RIMBP2: variants seen among roughly 807,000 people sequenced by gnomAD.
RIMBP2 encodes RIMS binding protein 2.
Under a neutral mutation model 118.6 loss-of-function variants are expected in RIMBP2, and 48 were observed. That is an observed-to-expected ratio of 0.40 (90% CI 0.32 to 0.51). The LOEUF is 0.51. Ranked by LOEUF, RIMBP2 falls within the 20% of genes least tolerant of loss-of-function variation. The pLI is 0.41. For missense variants in RIMBP2, 1,551 were observed against 1,768.3 expected (o/e 0.88, Z 2.20); for synonymous variants, 762 against 742.9 (o/e 1.03, Z -0.42).
chr12:130,571,681 AC>A (rs1429602627), intron 2 of RIMBP2, among the ~76,000 whole-genome samples: 1 of 152,086 alleles, frequency 6.6e-6, no homozygotes, highest in Non-Finnish European at 1.5e-5. Context: ...AGTTGGCACC[AC>A]CTGCATACTC....
chr12:130,641,237 G>A (rs1175007954), intron 1 of RIMBP2, among the ~76,000 whole-genome samples: 2 of 152,160 alleles, frequency 1.3e-5, no homozygotes, highest in African/African-American at 2.4e-5. Context: ...TAAATCGTGA[G>A]CCCTGACCGC....
rs902373452 is a variant in RIMBP2, at chr12:130,511,872, T to C, written c.-126-5102A>G. On this transcript the variant is annotated intron_variant, in intron 3 of 22. Transcript: ENST00000690449. This position sits in a 1 kb window ranked among gnomAD's most constrained non-coding sequence, Gnocchi z 4.3. ...CACGTCTCTGCTGGACAGGAGCCCC[T>C]GGGCCCTGGCTCCTTCTCCAGGCAG... is the stretch of plus-strand genomic sequence containing the variant. 1.3e-5 allele frequency among the ~76,000 whole-genome samples: 2 copies of C among 152,088 alleles called. No individual in the cohort carries two copies. The highest frequency in any genetic ancestry group is 4.8e-5 in the African/African-American group (2 of 41,434).
At position 130,419,979 on chromosome 12, in the gene RIMBP2, C is replaced by T. The variant is rs1402700955; in HGVS notation, c.3238+2474G>A. Among the ~76,000 whole-genome samples the T allele has an allele frequency of 6.6e-6, 1 of 152,162 alleles. No homozygotes were observed. On this transcript the variant is annotated intron_variant, in intron 17 of 22. Coordinates refer to ENST00000690449, the MANE Select transcript of RIMBP2 (RefSeq NM_001393629.1). This position sits in a 1 kb window ranked among gnomAD's most constrained non-coding sequence, Gnocchi z 4.3. ...TATATTATTTTTCATTGTAGGTCCA[C>T]TGCTTATTAAAAATAGGAAGTGTAT... is the stretch of plus-strand genomic sequence containing the variant.
intron 9 of RIMBP2, among the ~76,000 whole-genome samples, chr12:130,449,559 G>A (rs1395509402): frequency 6.6e-6 from 1 of 151,978 alleles, no homozygotes; most frequent in Non-Finnish European, 1.5e-5. Flanking sequence ...TCTCGGTGGT[G>A]GGGATCGGGG....
At chr12:130,574,862 C>T (rs1445479597) in intron 2 of RIMBP2, among the ~76,000 whole-genome samples, 1 of 152,056 alleles carries the variant, frequency 6.6e-6, no homozygotes, top group Non-Finnish European at 1.5e-5. Flanking sequence ...CTTCCTAGAC[C>T]CCTTCATTAG....
Position 130,434,970 on chromosome 12 carries a change from C to CA in RIMBP2, c.2107-91dup. 1 of 1,408,574 alleles carries CA rather than the reference C, an allele frequency of 7.1e-7. No homozygotes were observed. Among genetic ancestry groups the CA allele is most frequent in the South Asian group, 1.4e-5 (1 of 72,696 alleles). 87.3% of individuals were successfully genotyped at this position (1,408,574 alleles called of 1,614,324 possible). A position where few individuals can be genotyped will look rare whatever the true frequency, so the allele number is the denominator to read the frequency against. Reference sequence around the variant, plus strand: ...TGCATTCACCAAACCTTCAGCCCCTCAGAGCCTGGCCAGGCACCCCCCACA... The same window carrying CA: ...TGCATTCACCAAACCTTCAGCCCCTCAAGAGCCTGGCCAGGCACCCCCCACA... On this transcript the variant is annotated intron_variant, in intron 13 of 22. Transcript: ENST00000690449. The surrounding 1 kb of genome is among the most constrained non-coding windows in gnomAD (Gnocchi z 5.7).
chr12:130,610,583 C>T (rs1489588239), intron 2 of RIMBP2, among the ~76,000 whole-genome samples: 3 of 76,056 alleles, frequency 3.9e-5, no homozygotes, highest in Admixed American at 2.2e-4. Context: ...TTTTTTGAGA[C>T]GGAGTCTCGC....
intron 2 of RIMBP2, among the ~76,000 whole-genome samples, chr12:130,616,005 G>C (rs549169028): frequency 6.6e-6 from 1 of 152,234 alleles, no homozygotes; most frequent in East Asian, 1.9e-4. Flanking sequence ...CCTCTGGCAG[G>C]CACCAGTCTC....
Position 130,469,508 on chromosome 12 carries a change from T to C in RIMBP2, c.153+1185A>G, listed in dbSNP as rs527424319. Among the ~76,000 whole-genome samples the C allele has an allele frequency of 5.1e-4, 78 of 152,330 alleles. 1 individual carries two copies. The highest frequency in any genetic ancestry group is 1.8e-3 in the African/African-American group (75 of 41,586). Reference sequence around the variant, plus strand: ...GAAAGTGAATTATTTTCCAGGGAGATAAATGGCCATTTGGAGGTCTGTTTC... The same window carrying C: ...GAAAGTGAATTATTTTCCAGGGAGACAAATGGCCATTTGGAGGTCTGTTTC... On this transcript the variant is annotated intron_variant, in intron 6 of 22. Coordinates refer to ENST00000690449, the MANE Select transcript of RIMBP2 (RefSeq NM_001393629.1). The surrounding 1 kb of genome is among the most constrained non-coding windows in gnomAD (Gnocchi z 4.8).
At position 130,437,267 on chromosome 12, in the gene RIMBP2, C is replaced by T; in HGVS notation, c.1681G>A (p.Ala561Thr). 2 of 1,580,854 alleles carry T rather than the reference C, an allele frequency of 1.3e-6. No individual in the cohort carries two copies. The highest frequency in any genetic ancestry group is 8.5e-7 in the Non-Finnish European group (1 of 1,170,944). ...ACAAGCTCCACGGCCGTGCTGTCTG[C>T]CGTGGGGAAGATGACTTCAGCCACC... is the stretch of plus-strand genomic sequence containing the variant. ...QRVAEVIFPT[A>T]DSTAVELVRL... The change falls in exon 13 of 23, where the codon GCA becomes ACA. Residue 561 changes from alanine to threonine, a missense_variant. Ala to Thr is a moderately conservative substitution (Grantham distance 58). Around this residue, in one of 5 missense-constraint regions of RIMBP2, gnomAD observed 1,038 missense variants for 1,125.1 expected, o/e 0.92. Coordinates refer to ENST00000690449, the MANE Select transcript of RIMBP2 (RefSeq NM_001393629.1).
At chr12:130,435,723 T>C (rs1279427664) in intron 13 of RIMBP2, among the ~76,000 whole-genome samples, 1 of 152,256 alleles carries the variant, frequency 6.6e-6, no homozygotes, top group Non-Finnish European at 1.5e-5. Context: ...TTTTTATTAG[T>C]GGCCAATGTC....
chr12:130,591,614 T>G (rs2059274467), intron 2 of RIMBP2, among the ~76,000 whole-genome samples: 2 of 152,154 alleles, frequency 1.3e-5, no homozygotes, highest in South Asian at 4.1e-4. Context: ...CCTTCCAGCT[T>G]CTGGGGGCTG....
chr12:130,475,741 C>T lies in RIMBP2; in HGVS notation c.102+3171G>A, dbSNP rs2081372436. ...ATGATGGGTACACAGAGAAGTAAGACAACAAGCAAACAAAAAAGGCAATTA... is the reference window on the plus strand; with the variant it reads ...ATGATGGGTACACAGAGAAGTAAGATAACAAGCAAACAAAAAAGGCAATTA... On this transcript the variant is annotated intron_variant, in intron 5 of 22. Coordinates refer to ENST00000690449, the MANE Select transcript of RIMBP2 (RefSeq NM_001393629.1). This position sits in a 1 kb window ranked among gnomAD's most constrained non-coding sequence, Gnocchi z 4.1. Among the ~76,000 whole-genome samples, 1 of 151,964 alleles carries T rather than the reference C, an allele frequency of 6.6e-6. No homozygotes were observed. Among genetic ancestry groups the T allele is most frequent in the Non-Finnish European group, 1.5e-5 (1 of 68,010 alleles).
intron 12 of RIMBP2, 126 bp downstream of exon 12, chr12:130,438,239 T>A: frequency 9.4e-7 from 1 of 1,064,432 alleles, no homozygotes; most frequent in South Asian, 1.5e-5. Context: ...TCTTCGGGGT[T>A]GAGGGTGCCT....
At chr12:130,627,788 G>A (rs1394138262) in intron 2 of RIMBP2, among the ~76,000 whole-genome samples, 2 of 152,092 alleles carry the variant, frequency 1.3e-5, no homozygotes, top group Non-Finnish European at 2.9e-5. Flanking sequence ...CCTCTCCAAT[G>A]ACCCTCACGT....
intron 2 of RIMBP2, among the ~76,000 whole-genome samples, chr12:130,527,100 G>A (rs2052880123): frequency 6.6e-6 from 1 of 152,148 alleles, no homozygotes; most frequent in Non-Finnish European, 1.5e-5. Context: ...CCCAGGGTGT[G>A]GAGGGACCGT....
chr12:130,529,458 G>T (rs1389930054), intron 2 of RIMBP2, among the ~76,000 whole-genome samples: 1 of 152,182 alleles, frequency 6.6e-6, no homozygotes, highest in Admixed American at 6.5e-5. Flanking sequence ...TGTCAGGGCT[G>T]GAAGGAGGAA....
rs77730847 is a variant in RIMBP2 at position 130,677,874 on chromosome 12, G to A, written c.-352+38348C>T. Among the ~76,000 whole-genome samples the A allele has an allele frequency of 6.4e-4, 98 of 152,292 alleles. No homozygotes were observed. The East Asian group carries it at 0.011, about 17-fold the overall frequency. ...CATAAACCAGATCACATTACACCTC[G>A]TTACCATTTCTCCATCGCACCCAGA... On this transcript the variant is annotated intron_variant, in intron 1 of 22. Coordinates refer to ENST00000690449, the MANE Select transcript of RIMBP2 (RefSeq NM_001393629.1).
chr12:130,612,331 C>T (rs2140624525), intron 2 of RIMBP2, among the ~76,000 whole-genome samples: 1 of 152,280 alleles, frequency 6.6e-6, no homozygotes, highest in East Asian at 1.9e-4. Flanking sequence ...TTGGCTTTTT[C>T]ATAAAGCATC....
Sources: gnomAD v4.1 joint callset for allele counts (sites outside exome capture counted in the v4.1 genomes callset) on GRCh38, gnomAD v4.1.1 for gene constraint, gnomAD v4.1.1 regional missense constraint, Gnocchi (gnomAD v3.1) non-coding constraint, MANE v1.5 for transcripts, NCBI Gene and HGNC (gene_info 2026-07-23, HGNC 2026-07-21) for gene names.